Variants in PRKAR1A observed in about 807,000 individuals in gnomAD.
PRKAR1A encodes cAMP-dependent protein kinase type I-alpha regulatory subunit.
PRKAR1A carries 3 observed loss-of-function variants against 52.0 expected under a neutral mutation model. The observed-to-expected ratio is 0.06, with a 90% confidence interval of 0.03 to 0.15. The LOEUF is 0.15. Ranked by LOEUF, PRKAR1A falls within the 10% of genes least tolerant of loss-of-function variation. The pLI, the probability that PRKAR1A is intolerant of heterozygous loss-of-function variation, is 1.00. For missense variants in PRKAR1A, 240 were observed against 477.4 expected, an observed-to-expected ratio of 0.50 and a Z score of 4.63; for synonymous variants, 188 against 168.4, an observed-to-expected ratio of 1.12 and a Z score of -0.90.
the PRKAR1A span, among the ~76,000 whole-genome samples, chr17:68,486,506 CTTCTTTCT>C: frequency 0.065 from 3,071 of 47,376 alleles, 87 homozygotes; most frequent in Middle Eastern, 0.08. Flanking sequence ...TCCTTCCTTC[CTTCTTTCT>C]TTCTTTCTTT....
At chr17:68,451,816 G>C in the PRKAR1A span, among the ~76,000 whole-genome samples, 1 of 152,172 alleles carries the variant, frequency 6.6e-6, no homozygotes, top group African/African-American at 2.4e-5. Context: ...TCTGTACTCA[G>C]GAAGAAGTTA....
At chr17:68,494,547 TAAATA>T in the PRKAR1A span, among the ~76,000 whole-genome samples, 14 of 151,758 alleles carry the variant, frequency 9.2e-5, no homozygotes, top group African/African-American at 2.2e-4. Context: ...TCTCAAAAAA[TAAATA>T]AAATAAAATA....
chr17:68,436,981 G>A, the PRKAR1A span, among the ~76,000 whole-genome samples: 9 of 134,106 alleles, frequency 6.7e-5, no homozygotes, highest in Non-Finnish European at 1.4e-4. Flanking sequence ...GCTACAGAGT[G>A]AGACCCCGTC....
chr17:68,426,251 G>GGGGGGGGGGGGGGGGGGGGGT, the PRKAR1A span: 1 of 825,458 alleles, frequency 1.2e-6, no homozygotes, highest in Non-Finnish European at 1.9e-6. Flanking sequence ...GTGGGGAGCG[G>GGGGGGGGGGGGGGGGGGGGGT]GGGCTCAAAT....
At chr17:68,473,009 C>G in the PRKAR1A span, among the ~76,000 whole-genome samples, 6 of 152,158 alleles carry the variant, frequency 3.9e-5, no homozygotes, top group South Asian at 1.2e-3. Context: ...GATTTTTCTG[C>G]TCACTTTTCT....
intron 2 of PRKAR1A, among the ~76,000 whole-genome samples, chr17:68,518,810 T>C (rs2085511841): frequency 6.6e-6 from 1 of 152,240 alleles, no homozygotes; most frequent in African/African-American, 2.4e-5. Context: ...TTTGTCAGGC[T>C]GCAAATTTTT....
Position 68,530,526 on chromosome 17 carries a change from C to G in PRKAR1A, c.*77C>G, listed in dbSNP as rs2143393531. 5.6e-6 allele frequency: 9 copies of G among 1,611,856 alleles called. No individual in the cohort carries two copies. The highest frequency in any genetic ancestry group is 7.6e-6 in the Non-Finnish European group (9 of 1,179,206). On this transcript the variant is annotated 3_prime_UTR_variant, in exon 11 of 11. Coordinates refer to ENST00000589228, the MANE Select transcript of PRKAR1A (RefSeq NM_002734.5). ...CATGCAAACTGCTTTATTTTCCCTA[C>G]TTGCAGCGCCAAGTGGCCACTGGCA...
the PRKAR1A span, among the ~76,000 whole-genome samples, chr17:68,483,856 C>T: frequency 2.7e-5 from 4 of 146,472 alleles, no homozygotes; most frequent in Non-Finnish European, 4.5e-5. Flanking sequence ...AGCAAAACTC[C>T]GTCTCAAAAA....
At chr17:68,432,202 T>C in the PRKAR1A span, among the ~76,000 whole-genome samples, 201 of 152,274 alleles carry the variant, frequency 1.3e-3, no homozygotes, top group Non-Finnish European at 1.8e-3. Flanking sequence ...CAGTGTTTCA[T>C]ACACCACTGG....
intron 11 of PRKAR1A, among the ~76,000 whole-genome samples, chr17:68,545,656 A>C (rs1257228723): frequency 6.6e-6 from 1 of 152,232 alleles, no homozygotes; most frequent in African/African-American, 2.4e-5. Flanking sequence ...GATTCACAAA[A>C]GATGTATCTG....
Position 68,532,227 on chromosome 17 carries a change from G to A in PRKAR1A, c.*1778G>A, listed in dbSNP as rs973872464. ...TTAAAAAATTAAAAATGAAAATTAC[G>A]TTCTTACAAGCTTAAAGCTTGATTT... is the stretch of plus-strand genomic sequence containing the variant. On this transcript the variant is annotated 3_prime_UTR_variant, in exon 11 of 11. Transcript: ENST00000589228. 31 of 1,033,670 alleles carry A rather than the reference G, an allele frequency of 3.0e-5. No individual in the cohort carries two copies. Among genetic ancestry groups the A allele is most frequent in the Non-Finnish European group, 3.5e-5 (30 of 850,800 alleles). The allele number at this position is 1,033,670 out of a possible 1,614,324, so 64.0% of individuals were successfully genotyped here. A position where few individuals can be genotyped will look rare whatever the true frequency, so the allele number is the denominator to read the frequency against.
At chr17:68,427,030 C>T in the PRKAR1A span, 3 of 947,512 alleles carry the variant, frequency 3.2e-6, no homozygotes, top group African/African-American at 4.9e-5. Flanking sequence ...GGAGGGCACT[C>T]CACCCCCAGG....
the PRKAR1A span, among the ~76,000 whole-genome samples, chr17:68,427,942 T>C: frequency 1.2e-4 from 19 of 152,194 alleles, no homozygotes. Context: ...CAGGCTGCAG[T>C]GCAGTGGTGT....
upstream of PRKAR1A, among the ~76,000 whole-genome samples, chr17:68,511,452 GC>G (rs2085263263): frequency 1.3e-5 from 2 of 152,156 alleles, no homozygotes; most frequent in Admixed American, 1.3e-4. Context: ...CATTAGTGCA[GC>G]TTGTCTGGAC....
At chr17:68,456,335 G>A in the PRKAR1A span, among the ~76,000 whole-genome samples, 1 of 152,224 alleles carries the variant, frequency 6.6e-6, no homozygotes, top group Admixed American at 6.5e-5. Flanking sequence ...TTACACCACT[G>A]AAGGATCAAT....
At chr17:68,537,910 C>T (rs1350487347), downstream of PRKAR1A, among the ~76,000 whole-genome samples, 2 of 152,130 alleles carry the variant, frequency 1.3e-5, no homozygotes, top group East Asian at 3.9e-4. This position sits in a 1 kb window ranked among gnomAD's most constrained non-coding sequence, Gnocchi z 4.2. Flanking sequence ...AAATGAAAGG[C>T]AAAATCCAGT....
the PRKAR1A span, among the ~76,000 whole-genome samples, chr17:68,433,894 T>TGCCTCA: frequency 6.7e-6 from 1 of 148,778 alleles, no homozygotes; most frequent in African/African-American, 2.5e-5. Flanking sequence ...GCGATTCTCC[T>TGCCTCA]GCCTCAGCCT....
the PRKAR1A span, among the ~76,000 whole-genome samples, chr17:68,477,661 T>C: frequency 6.6e-6 from 1 of 152,096 alleles, no homozygotes; most frequent in Non-Finnish European, 1.5e-5. Flanking sequence ...TTTTCTCCTA[T>C]GTTCGATCTA....
the PRKAR1A span, among the ~76,000 whole-genome samples, chr17:68,437,055 A>G: frequency 9.7e-6 from 1 of 102,764 alleles, no homozygotes; most frequent in Non-Finnish European, 2.0e-5. Context: ...GCTCATTTTT[A>G]CATTTTACCC....
Sources: allele counts gnomAD v4.1 joint callset (sites outside exome capture counted in the v4.1 genomes callset), GRCh38; gene constraint gnomAD v4.1.1; non-coding constraint Gnocchi (gnomAD v3.1); transcripts MANE v1.5; gene names NCBI Gene and HGNC (gene_info 2026-07-23, HGNC 2026-07-21).